DRC1: variants seen among roughly 807,000 people sequenced by gnomAD.
DRC1 encodes dynein regulatory complex subunit 1.
DRC1 carries 74 observed loss-of-function variants against 98.7 expected under a neutral mutation model. The observed-to-expected ratio is 0.75, with a 90% CI of 0.62 to 0.91. The LOEUF (loss-of-function observed/expected upper bound fraction) is 0.91. Ranked by LOEUF, DRC1 falls within the 40% of genes least tolerant of loss-of-function variation. DRC1 has a pLI of 0.00. For synonymous variants in DRC1, 336 were observed against 334.1 expected, an observed-to-expected ratio of 1.01 and a Z score of -0.06; for missense variants, 875 against 886.0, an observed-to-expected ratio of 0.99 and a Z score of 0.16.
At chr2:26,412,583 C>G (rs1281302659) in intron 1 of DRC1, among the ~76,000 whole-genome samples, 2 of 152,046 alleles carry the variant, frequency 1.3e-5, no homozygotes, top group Non-Finnish European at 2.9e-5. Flanking sequence ...CGCCACCGCC[C>G]CTTTAGTCTC....
chr2:26,445,097 TG>T, intron 10 of DRC1, 149 bp downstream of exon 10: 1 of 900,910 alleles, frequency 1.1e-6, no homozygotes, highest in Non-Finnish European at 1.6e-6. Flanking sequence ...TTTATAGCTT[TG>T]CTCTCTCTCC....
intron 13 of DRC1, among the ~76,000 whole-genome samples, chr2:26,451,475 A>C (rs1021588572): frequency 1.3e-5 from 2 of 152,262 alleles, no homozygotes; most frequent in African/African-American, 4.8e-5. Context: ...AAATGTTTTT[A>C]GTACTGCTAG....
chr2:26,428,436 T>C (rs1386468199), intron 4 of DRC1, among the ~76,000 whole-genome samples: 1 of 152,228 alleles, frequency 6.6e-6, no homozygotes, highest in African/African-American at 2.4e-5. Context: ...GCTACTGTAC[T>C]GAATACTGTA....
chr2:26,423,156 A>AG (rs1247275714), intron 3 of DRC1, among the ~76,000 whole-genome samples: 3 of 152,186 alleles, frequency 2.0e-5, no homozygotes, highest in Non-Finnish European at 4.4e-5. Context: ...TGTGAAAGGC[A>AG]GGGAAGGTCA....
In DRC1 at chr2:26,453,342, G is replaced by A; in HGVS notation, c.1712G>A (p.Ser571Asn). 1 of 1,613,208 alleles carries A rather than the reference G, an allele frequency of 6.2e-7. No individual in the cohort carries two copies. Among genetic ancestry groups the A allele is most frequent in the Non-Finnish European group, 8.5e-7 (1 of 1,180,028 alleles). Reference sequence around the variant, plus strand: ...CAGATCAAGCCCTGCAGTCAGGCGAGCATGGAGAAGGCGAGCATGGAGGAG... The same window carrying A: ...CAGATCAAGCCCTGCAGTCAGGCGAACATGGAGAAGGCGAGCATGGAGGAG... The part of the protein sequence containing the change: ...SLQIKPCSQA[S>N]MEKASMEETS... Residue 571 changes from serine (S) to asparagine (N), a missense_variant, in exon 14 of 17, where the codon AGC (serine) becomes AAC (asparagine). Physicochemically the swap from Ser to Asn is conservative, Grantham distance 46. Coordinates refer to ENST00000288710, the MANE Select transcript of DRC1 (RefSeq NM_145038.5).
At chr2:26,412,884 G>T (rs1352641048) in intron 1 of DRC1, among the ~76,000 whole-genome samples, 1 of 152,090 alleles carries the variant, frequency 6.6e-6, no homozygotes, top group Non-Finnish European at 1.5e-5. Flanking sequence ...CCGGGTTCAC[G>T]CCATTCTCCT....
Position 26,437,439 on chromosome 2 carries a change from C to T in DRC1, c.889-2939C>T, listed in dbSNP as rs72852786. ...TCCCTGCCCTGCCCCAGGTTCCCTCCGCAAGGGCCAGGCCTGCACTTGGAG... is the reference window on the plus strand; with the variant it reads ...TCCCTGCCCTGCCCCAGGTTCCCTCTGCAAGGGCCAGGCCTGCACTTGGAG... On this transcript the variant is annotated intron_variant, in intron 7 of 16. Coordinates refer to ENST00000288710, the MANE Select transcript of DRC1 (RefSeq NM_145038.5). 9.9e-4 allele frequency among the ~76,000 whole-genome samples: 151 copies of T among 152,336 alleles called. 1 individual carries two copies. Among genetic ancestry groups the T allele is most frequent in the African/African-American group, 2.5e-3 (102 of 41,580 alleles).
At position 26,448,674 on chromosome 2, in the gene DRC1, C is replaced by G. The variant is rs1350145124; in HGVS notation, c.1397-17C>G. The G allele has an allele frequency of 1.9e-6, 3 of 1,611,866 alleles. No individual in the cohort carries two copies. The highest frequency in any genetic ancestry group is 1.6e-4 in the Middle Eastern group (1 of 6,068). ...TCTTCTTTTTCTTTCTCTCTCCTCC[C>G]CATGACCCAACTGCAGAAGAGGAGG... On this transcript the variant is annotated splice_polypyrimidine_tract_variant and intron_variant, in intron 10 of 16. Coordinates refer to ENST00000288710, the MANE Select transcript of DRC1 (RefSeq NM_145038.5).
chr2:26,418,522 TTAA>T (rs1208214604), intron 2 of DRC1, among the ~76,000 whole-genome samples: 38 of 118,254 alleles, frequency 3.2e-4, no homozygotes, highest in African/African-American at 1.2e-3. Flanking sequence ...ATATTATATA[TTAA>T]TAATATACAA....
chr2:26,444,480 T>C, intron 9 of DRC1, 124 bp downstream of exon 9: 1 of 1,338,494 alleles, frequency 7.5e-7, no homozygotes, highest in South Asian at 1.5e-5. Flanking sequence ...GACCAGGCAC[T>C]AGTTAACCTT....
chr2:26,415,312 A>G (rs1344622653), intron 2 of DRC1, among the ~76,000 whole-genome samples: 1 of 152,222 alleles, frequency 6.6e-6, no homozygotes, highest in Non-Finnish European at 1.5e-5. Context: ...GTGAACTCAG[A>G]TATGGAGAGG....
intron 2 of DRC1, among the ~76,000 whole-genome samples, chr2:26,420,052 C>T (rs1009090196): frequency 1.3e-5 from 2 of 152,194 alleles, no homozygotes; most frequent in African/African-American, 4.8e-5. Flanking sequence ...TGGATGGGGT[C>T]TGCTTGATGA....
At chr2:26,420,601 T>C (rs1426702900) in intron 2 of DRC1, among the ~76,000 whole-genome samples, 1 of 151,272 alleles carries the variant, frequency 6.6e-6, no homozygotes, top group East Asian at 2.0e-4. Flanking sequence ...GAGTGCTTTT[T>C]TTAAAATTTT....
intron 2 of DRC1, among the ~76,000 whole-genome samples, chr2:26,418,575 TATATATAAATTATATATAATTTATATA>T (rs1285553779): frequency 2.9e-4 from 28 of 95,896 alleles, no homozygotes; most frequent in Admixed American, 1.0e-3. Flanking sequence ...TAATATATAT[TATATATAAATTATATATAATTTATATA>T]ATATATAAAT....
At chr2:26,416,573 A>C (rs1678812290) in intron 2 of DRC1, among the ~76,000 whole-genome samples, 1 of 152,170 alleles carries the variant, frequency 6.6e-6, no homozygotes, top group Non-Finnish European at 1.5e-5. Context: ...CCTATGACCT[A>C]TCTGGAATTG....
chr2:26,405,629 GT>G (rs924522712), intron 1 of DRC1, among the ~76,000 whole-genome samples: 55 of 63,248 alleles, frequency 8.7e-4, no homozygotes, highest in African/African-American at 1.9e-3. Flanking sequence ...TGGTGGTCTT[GT>G]TTTTTTTTTT....
intron 8 of DRC1, among the ~76,000 whole-genome samples, chr2:26,442,434 A>G (rs1663741608): frequency 6.6e-6 from 1 of 152,012 alleles, no homozygotes; most frequent in South Asian, 2.1e-4. Context: ...GGTTTAAATG[A>G]CCCTAAAATA....
chr2:26,440,493 C>A lies in DRC1; in HGVS notation c.1004C>A (p.Ser335Tyr). 1.2e-6 allele frequency: 2 copies of A among 1,611,816 alleles called. No individual in the cohort carries two copies. The highest frequency in any genetic ancestry group is 1.7e-6 in the Non-Finnish European group (2 of 1,178,752). ...GATGAAGAAAGCACAGTAATTAAAT[C>A]CCAGCAGAAGAGGAAGATCAATCGG... is the stretch of plus-strand genomic sequence containing the variant. The part of the protein sequence containing the change: ...KRDEESTVIK[S>Y]QQKRKINRLH... The change falls in exon 8 of 17, where the codon TCC becomes TAC. Residue 335 changes from serine to tyrosine, a missense_variant. By Grantham distance (144) the Ser-to-Tyr change is moderately radical. Transcript: ENST00000288710.
Position 26,403,795 on chromosome 2 carries a change from C to CAA in DRC1, c.155+1670_155+1671dup, listed in dbSNP as rs397870483. On this transcript the variant is annotated intron_variant, in intron 1 of 16. Transcript: ENST00000288710. ...GGGTGACAAGCACAAAACTCCATCT[C>CAA]AAAAAAAAAAAAAAAAAAAATTGGG... 6.7e-3 allele frequency among the ~76,000 whole-genome samples: 515 copies of CAA among 77,148 alleles called. 5 individuals are homozygous for CAA. The highest frequency in any genetic ancestry group is 0.018 in the African/African-American group (306 of 17,112). 50.6% of individuals were successfully genotyped at this position (77,148 alleles called of 152,430 possible). A position where few individuals can be genotyped will look rare whatever the true frequency, so the allele number is the denominator to read the frequency against.
Sources: gnomAD v4.1 joint callset for allele counts (sites outside exome capture counted in the v4.1 genomes callset) on GRCh38, gnomAD v4.1.1 for gene constraint, MANE v1.5 for transcripts, NCBI Gene and HGNC (gene_info 2026-07-23, HGNC 2026-07-21) for gene names.